CHRM2: variants seen among roughly 807,000 people sequenced by gnomAD.
The protein encoded by CHRM2 is cholinergic receptor muscarinic 2.
In CHRM2, 8 loss-of-function variants were observed where a neutral mutation model predicts 25.0. The observed-to-expected ratio is 0.32, with a 90% CI of 0.19 to 0.58. CHRM2 has a LOEUF of 0.58. Ranked by LOEUF, CHRM2 falls within the 20% of genes least tolerant of loss-of-function variation. The probability of loss-of-function intolerance (pLI) is 0.88; values close to 1 mark genes in which losing one functional copy is unlikely to be tolerated. For synonymous variants in CHRM2, 202 were observed against 205.7 expected (o/e 0.98, Z 0.15); for missense variants, 440 against 567.1 (o/e 0.78, Z 2.28).
intron 2 of CHRM2, chr7:136,899,303 C>T (rs1041741942): frequency 2.0e-5 from 3 of 152,070 alleles, no homozygotes; most frequent in Non-Finnish European, 4.4e-5. Flanking sequence ...AATGATCCCA[C>T]ATTGGGTACC....
At position 136,970,982 on chromosome 7, in the gene CHRM2, T is replaced by A. The variant is rs996845531; in HGVS notation, c.-124-21205T>A. ...ATCTGAAGAAAATACTTGACACAAT[T>A]GAACAAAATAAATTAATTACTCCTC... is the stretch of plus-strand genomic sequence containing the variant. On this transcript the variant is annotated intron_variant, in intron 2 of 3. Coordinates refer to ENST00000680005, the MANE Select transcript of CHRM2 (RefSeq NM_001006630.2). Among the ~76,000 whole-genome samples, 10 of 152,310 alleles carry A rather than the reference T, an allele frequency of 6.6e-5. No individual in the cohort carries two copies. The East Asian group carries it at 1.9e-3, about 29-fold the overall frequency.
At chr7:136,901,222 C>A (rs1025242484) in intron 2 of CHRM2, among the ~76,000 whole-genome samples, 2 of 151,846 alleles carry the variant, frequency 1.3e-5, no homozygotes, top group Non-Finnish European at 2.9e-5. Context: ...GTGAGAATTA[C>A]GTGAAATTAA....
At chr7:136,924,913 C>G (rs1798655919) in intron 2 of CHRM2, among the ~76,000 whole-genome samples, 1 of 152,146 alleles carries the variant, frequency 6.6e-6, no homozygotes, top group Non-Finnish European at 1.5e-5. Flanking sequence ...ATTTATTCTT[C>G]TTTGAACTCA....
intron 2 of CHRM2, among the ~76,000 whole-genome samples, chr7:136,962,757 C>G (rs1017300267): frequency 6.6e-6 from 1 of 152,052 alleles, no homozygotes; most frequent in Non-Finnish European, 1.5e-5. Context: ...GTTAAAAGAG[C>G]CAGAAAAGGT....
rs188243118 is a variant in CHRM2, at chr7:136,917,739, T to A, written c.-125+48321T>A. Among the ~76,000 whole-genome samples the A allele has an allele frequency of 2.5e-3, 381 of 152,132 alleles. 7 individuals carry two copies. The highest frequency in any genetic ancestry group is 0.014 in the East Asian group (70 of 5,134). ...GGAAAAGCTATGATACAGGATTTTT[T>A]AAAAATTTCCATCACATCCTCCCAT... is the stretch of plus-strand genomic sequence containing the variant. On this transcript the variant is annotated intron_variant, in intron 2 of 3. Coordinates refer to ENST00000680005, the MANE Select transcript of CHRM2 (RefSeq NM_001006630.2).
Position 137,015,740 on chromosome 7 carries a change from T to C in CHRM2, c.875T>C (p.Val292Ala), listed in dbSNP as rs753491070. 6.2e-7 allele frequency: 1 copy of C among 1,613,120 alleles called. No individual in the cohort carries two copies. Among genetic ancestry groups the C allele is most frequent in the South Asian group, 1.1e-5 (1 of 91,068 alleles). ...SSNDSTSVSA[V>A]ASNMRDDEIT... ...AATGACTCCACCTCAGTCAGTGCTG[T>C]TGCCTCTAATATGAGAGATGATGAA... Residue 292 changes from valine to alanine, a missense_variant, in exon 4 of 4, where the codon GTT becomes GCT. Physicochemically the swap from Val to Ala is moderately conservative, Grantham distance 64. Transcript: ENST00000680005. This position sits in a 1 kb window ranked among gnomAD's most constrained non-coding sequence, Gnocchi z 5.1.
intron 2 of CHRM2, among the ~76,000 whole-genome samples, chr7:136,947,811 A>T (rs1800157625): frequency 6.6e-6 from 1 of 152,186 alleles, no homozygotes; most frequent in Admixed American, 6.6e-5. Flanking sequence ...AGTCAGGAGA[A>T]AATCTTGGGT....
At chr7:136,967,190 G>A (rs1801473995) in intron 2 of CHRM2, among the ~76,000 whole-genome samples, 1 of 151,980 alleles carries the variant, frequency 6.6e-6, no homozygotes, top group African/African-American at 2.4e-5. Context: ...ACTGTGGAAG[G>A]CAGGGAGGAT....
chr7:136,966,913 T>G (rs578180979), intron 2 of CHRM2, among the ~76,000 whole-genome samples: 2 of 152,108 alleles, frequency 1.3e-5, no homozygotes, highest in South Asian at 4.1e-4. Flanking sequence ...GACACTATAT[T>G]TACAAGGCAG....
rs141184073 is a variant in CHRM2, at chr7:136,938,434, T to C, written c.-124-53753T>C. ...GTCTATGAAGGAGGCAAACTTCTTG[T>C]TGAGGGTCTTGATCTGCTCCTTCCC... On this transcript the variant is annotated intron_variant, in intron 2 of 3. Coordinates refer to ENST00000680005, the MANE Select transcript of CHRM2 (RefSeq NM_001006630.2). The C allele has an allele frequency of 7.8e-4, 1,046 of 1,332,992 alleles. 7 individuals are homozygous for C. In the African/African-American group the frequency reaches 0.014, roughly 18 times the overall value. 82.6% of individuals were successfully genotyped at this position (1,332,992 alleles called of 1,614,324 possible).
chr7:136,921,287 C>T (rs1268172023), intron 2 of CHRM2, among the ~76,000 whole-genome samples: 2 of 152,220 alleles, frequency 1.3e-5, no homozygotes, highest in Admixed American at 1.3e-4. Context: ...CTGAAGTGTC[C>T]ACACCTATAG....
At chr7:136,918,203 T>A (rs1563065328) in intron 2 of CHRM2, among the ~76,000 whole-genome samples, 1 of 152,038 alleles carries the variant, frequency 6.6e-6, no homozygotes, top group Non-Finnish European at 1.5e-5. Flanking sequence ...TTGGAAGGGT[T>A]TCTCAAGCTA....
intron 2 of CHRM2, among the ~76,000 whole-genome samples, chr7:136,891,280 C>T (rs1024404958): frequency 2.0e-5 from 3 of 152,160 alleles, no homozygotes; most frequent in Non-Finnish European, 2.9e-5. Context: ...TGAATTTAGT[C>T]GCCATGTCTC....
intron 2 of CHRM2, among the ~76,000 whole-genome samples, chr7:136,882,103 T>C (rs1196131589): frequency 6.6e-6 from 1 of 152,036 alleles, no homozygotes; most frequent in Non-Finnish European, 1.5e-5. Context: ...AGGTGTTTTC[T>C]CTATCCTCTG....
intron 2 of CHRM2, among the ~76,000 whole-genome samples, chr7:136,909,911 A>G (rs1797749540): frequency 6.6e-6 from 1 of 151,946 alleles, no homozygotes. Flanking sequence ...GCAGAGTATA[A>G]CAAACAATGG....
intron 2 of CHRM2, among the ~76,000 whole-genome samples, chr7:136,937,095 C>T (rs1799457136): frequency 6.6e-6 from 1 of 152,082 alleles, no homozygotes; most frequent in Admixed American, 6.6e-5. Flanking sequence ...GTGTCTCTAG[C>T]CCCAAAGACA....
chr7:137,008,720 A>G (rs188119778), intron 3 of CHRM2, among the ~76,000 whole-genome samples: 16 of 152,244 alleles, frequency 1.1e-4, no homozygotes, highest in East Asian at 9.7e-4. Context: ...AGAAACAAGT[A>G]TAAATTAAAC....
intron 3 of CHRM2, among the ~76,000 whole-genome samples, chr7:137,011,215 G>GTGTGTGTATATATATA: frequency 3.5e-4 from 47 of 134,324 alleles, no homozygotes; most frequent in African/African-American, 1.1e-3. Flanking sequence ...GTGTGTGTGT[G>GTGTGTGTATATATATA]TATATATATA....
At chr7:136,978,626 G>A (rs548700531) in intron 2 of CHRM2, among the ~76,000 whole-genome samples, 6 of 152,090 alleles carry the variant, frequency 3.9e-5, no homozygotes, top group African/African-American at 7.2e-5. Context: ...GACAGGCCCC[G>A]GTATGGATGG....
Sources: gnomAD v4.1 joint callset for allele counts (sites outside exome capture counted in the v4.1 genomes callset) on GRCh38, gnomAD v4.1.1 for gene constraint, Gnocchi (gnomAD v3.1) non-coding constraint, MANE v1.5 for transcripts, NCBI Gene and HGNC (gene_info 2026-07-23, HGNC 2026-07-21) for gene names.